Variants in MAGI3 observed in about 807,000 individuals in gnomAD.
MAGI3 encodes membrane associated guanylate kinase, WW and PDZ domain containing 3.
A neutral mutation model predicts 121.8 loss-of-function variants in MAGI3; 43 were observed. The ratio of observed to expected loss-of-function variants is 0.35; its 90% CI spans 0.28 to 0.46. The LOEUF (loss-of-function observed/expected upper bound fraction) is 0.46, where lower values mean the gene tolerates loss of function less well. Ranked by LOEUF, MAGI3 falls within the 20% of genes least tolerant of loss-of-function variation. The probability of loss-of-function intolerance (pLI) is 1.00; values close to 1 mark genes in which losing one functional copy is unlikely to be tolerated. For synonymous variants in MAGI3, 553 were observed against 639.3 expected (o/e 0.86, Z 2.04); for missense variants, 1,547 against 1,797.3 (o/e 0.86, Z 2.52).
At chr1:113,556,906 A>T (rs1325071521) in intron 2 of MAGI3, among the ~76,000 whole-genome samples, 1 of 152,216 alleles carries the variant, frequency 6.6e-6, no homozygotes, top group Non-Finnish European at 1.5e-5. Flanking sequence ...CAATAAACTC[A>T]ACAACTTAGA....
At chr1:113,547,230 G>T (rs1259837407) in intron 1 of MAGI3, among the ~76,000 whole-genome samples, 1 of 151,788 alleles carries the variant, frequency 6.6e-6, no homozygotes, top group Non-Finnish European at 1.5e-5. Flanking sequence ...AATGCAATCT[G>T]AGTTTTTAGC....
chr1:113,542,402 T>G (rs532687993), intron 1 of MAGI3, among the ~76,000 whole-genome samples: 6 of 152,314 alleles, frequency 3.9e-5, no homozygotes, highest in African/African-American at 9.6e-5. Flanking sequence ...ATTAATTGTT[T>G]ATGTCTGGAA....
At chr1:113,641,182 CA>C (rs1212165401) in intron 9 of MAGI3, among the ~76,000 whole-genome samples, 7 of 139,642 alleles carry the variant, frequency 5.0e-5, no homozygotes, top group Non-Finnish European at 9.1e-5. Flanking sequence ...ATATATATAT[CA>C]GGGGTGGAGG....
At chr1:113,412,587 T>A (rs1382363781) in intron 1 of MAGI3, among the ~76,000 whole-genome samples, 2 of 152,332 alleles carry the variant, frequency 1.3e-5, no homozygotes, top group African/African-American at 2.4e-5. Flanking sequence ...AGATGGTATC[T>A]CATTCTGGTT....
intron 1 of MAGI3, among the ~76,000 whole-genome samples, chr1:113,455,284 G>A (rs888875088): frequency 6.6e-6 from 1 of 152,130 alleles, no homozygotes; most frequent in Non-Finnish European, 1.5e-5. Context: ...TAGTGTGAGA[G>A]ACTGCTATGC....
intron 1 of MAGI3, among the ~76,000 whole-genome samples, chr1:113,481,072 A>G (rs1253039390): frequency 2.0e-5 from 3 of 152,194 alleles, no homozygotes; most frequent in African/African-American, 7.2e-5. Flanking sequence ...TATTACTTAT[A>G]CTATGCATCT....
chr1:113,576,789 G>A (rs1346770245), intron 2 of MAGI3: 1 of 152,170 alleles, frequency 6.6e-6, no homozygotes, highest in Non-Finnish European at 1.5e-5. Flanking sequence ...ATCTTGAGTA[G>A]CCCTCCTATT....
chr1:113,572,112 G>T (rs1011185371), intron 2 of MAGI3, among the ~76,000 whole-genome samples: 1 of 152,142 alleles, frequency 6.6e-6, no homozygotes, highest in African/African-American at 2.4e-5. Context: ...AAGGTGTATT[G>T]AATATTATTG....
chr1:113,584,404 A>G (rs1319653682), intron 3 of MAGI3, among the ~76,000 whole-genome samples: 1 of 152,314 alleles, frequency 6.6e-6, no homozygotes, highest in Non-Finnish European at 1.5e-5. Flanking sequence ...AAAATTACAG[A>G]TTCTCAAGAG....
At chr1:113,598,767 T>C (rs1021492003) in intron 6 of MAGI3, among the ~76,000 whole-genome samples, 4 of 152,096 alleles carry the variant, frequency 2.6e-5, no homozygotes, top group Admixed American at 1.3e-4. Flanking sequence ...AGATAGATCA[T>C]TGGAGCAGAA....
chr1:113,676,684 G>T (rs574456795), intron 19 of MAGI3, among the ~76,000 whole-genome samples: 1 of 151,988 alleles, frequency 6.6e-6, no homozygotes, highest in Non-Finnish European at 1.5e-5. Flanking sequence ...TCTGGTGGCC[G>T]CTGTCCAAAT....
intron 17 of MAGI3, 125 bp downstream of exon 17, chr1:113,671,961 C>G (rs754171626): frequency 2.4e-6 from 2 of 821,478 alleles, no homozygotes; most frequent in African/African-American, 1.7e-5. Flanking sequence ...CTGTTGAGGT[C>G]AAAATGACAA....
chr1:113,548,105 T>G (rs1659618534), intron 1 of MAGI3, among the ~76,000 whole-genome samples: 1 of 152,356 alleles, frequency 6.6e-6, no homozygotes, highest in Non-Finnish European at 1.5e-5. Context: ...GGAATAATAG[T>G]TAAAAAAATT....
rs987024387 is a variant in MAGI3, at chr1:113,434,436, G to A, written c.316+43087G>A. Among the ~76,000 whole-genome samples, 12 of 152,062 alleles carry A rather than the reference G, an allele frequency of 7.9e-5. No individual in the cohort carries two copies. In the South Asian group the frequency reaches 1.2e-3, roughly 16 times the overall value. On this transcript the variant is annotated intron_variant, in intron 1 of 20. Transcript: ENST00000307546. ...ACCACCACACACACACACAAAAAGC[G>A]TACTAGTTATACTGCTCTATTTTCA... is the stretch of plus-strand genomic sequence containing the variant.
intron 1 of MAGI3, among the ~76,000 whole-genome samples, chr1:113,525,196 A>C (rs1387170973): frequency 2.0e-5 from 3 of 152,200 alleles, no homozygotes; most frequent in Admixed American, 2.0e-4. Flanking sequence ...GGACTAATAC[A>C]CAGGCTGTGT....
chr1:113,459,366 A>G (rs549520615), intron 1 of MAGI3, among the ~76,000 whole-genome samples: 6 of 152,318 alleles, frequency 3.9e-5, no homozygotes, highest in African/African-American at 1.4e-4. Flanking sequence ...CATCAAGTAA[A>G]TTTAGCTTCA....
intron 1 of MAGI3, among the ~76,000 whole-genome samples, chr1:113,489,348 C>G (rs553391090): frequency 6.6e-6 from 1 of 152,242 alleles, no homozygotes; most frequent in Admixed American, 6.5e-5. Flanking sequence ...CAGTCAAACT[C>G]TTATGGTCAT....
intron 1 of MAGI3, among the ~76,000 whole-genome samples, chr1:113,510,821 C>T (rs1353656715): frequency 1.3e-5 from 2 of 152,174 alleles, no homozygotes; most frequent in African/African-American, 4.8e-5. Flanking sequence ...CATGCTGTTT[C>T]CACACCTGCC....
intron 1 of MAGI3, among the ~76,000 whole-genome samples, chr1:113,419,655 G>A (rs1652633010): frequency 6.6e-6 from 1 of 152,140 alleles, no homozygotes; most frequent in Non-Finnish European, 1.5e-5. Flanking sequence ...TTTTTGGAGA[G>A]TGGTTGGAGA....
Sources: allele counts gnomAD v4.1 joint callset (sites outside exome capture counted in the v4.1 genomes callset), GRCh38; gene constraint gnomAD v4.1.1; transcripts MANE v1.5; gene names NCBI Gene and HGNC (gene_info 2026-07-23, HGNC 2026-07-21).